Variants in IFNG-AS1 observed in about 807,000 individuals in gnomAD.
The protein encoded by IFNG-AS1 is IFNG antisense RNA 1 (non-protein coding).
At chr12:68,017,289 C>G (rs900546035) in intron 3 of IFNG-AS1, among the ~76,000 whole-genome samples, 1 of 152,120 alleles carries the variant, frequency 6.6e-6, no homozygotes, top group African/African-American at 2.4e-5. Flanking sequence ...CCTCGTAAAC[C>G]ATGGTGAAGG....
chr12:68,015,227 G>T (rs532906127), intron 3 of IFNG-AS1, among the ~76,000 whole-genome samples: 11 of 152,206 alleles, frequency 7.2e-5, no homozygotes, highest in African/African-American at 2.4e-4. Flanking sequence ...GCTTCAACTC[G>T]GGGCTGGATT....
chr12:67,989,775 A>G (rs962962409), intron 1 of IFNG-AS1, among the ~76,000 whole-genome samples: 3 of 152,174 alleles, frequency 2.0e-5, no homozygotes, highest in South Asian at 4.1e-4. Flanking sequence ...GGAGACCCGC[A>G]TGGCTGGAAT....
intron 1 of IFNG-AS1, among the ~76,000 whole-genome samples, chr12:67,995,419 CAAAAAAAAAAA>C (rs34141511): frequency 1.5e-4 from 12 of 78,632 alleles, no homozygotes; most frequent in African/African-American, 6.1e-4. Context: ...GACTCCATTT[CAAAAAAAAAAA>C]AAAAAAAAAG....
At chr12:67,998,923 C>A (rs1415803874) in intron 2 of IFNG-AS1, among the ~76,000 whole-genome samples, 1 of 151,986 alleles carries the variant, frequency 6.6e-6, no homozygotes, top group African/African-American at 2.4e-5. Flanking sequence ...AATTATAAAC[C>A]CAGTTAATGT....
chr12:68,005,197 C>T (rs1320899406), intron 2 of IFNG-AS1, among the ~76,000 whole-genome samples: 2 of 152,196 alleles, frequency 1.3e-5, no homozygotes, highest in African/African-American at 4.8e-5. Context: ...AATGCCTGCA[C>T]CTACTCTCCA....
At chr12:68,012,472 C>T (rs953112427) in intron 3 of IFNG-AS1, among the ~76,000 whole-genome samples, 5 of 152,146 alleles carry the variant, frequency 3.3e-5, no homozygotes, top group Non-Finnish European at 4.4e-5. Flanking sequence ...GGAATGCTGC[C>T]TTCACTTCTC....
chr12:68,003,523 C>T (rs1879827906), intron 2 of IFNG-AS1, among the ~76,000 whole-genome samples: 1 of 151,340 alleles, frequency 6.6e-6, no homozygotes, highest in South Asian at 2.1e-4. Flanking sequence ...TCCCATGTGT[C>T]CCTCAAGGGT....
At chr12:68,009,414 C>T (rs1280465560) in intron 3 of IFNG-AS1, among the ~76,000 whole-genome samples, 1 of 152,178 alleles carries the variant, frequency 6.6e-6, no homozygotes, top group Non-Finnish European at 1.5e-5. Context: ...ACAATCTTGG[C>T]TCACTGCAAC....
chr12:67,993,599 T>C (rs1235990528), intron 1 of IFNG-AS1, among the ~76,000 whole-genome samples: 1 of 152,214 alleles, frequency 6.6e-6, no homozygotes, highest in Non-Finnish European at 1.5e-5. Context: ...GAAGAGATCA[T>C]GAATTATTAA....
intron 2 of IFNG-AS1, among the ~76,000 whole-genome samples, chr12:67,999,201 T>C (rs1302083142): frequency 1.3e-5 from 2 of 152,184 alleles, no homozygotes; most frequent in Non-Finnish European, 2.9e-5. Flanking sequence ...AGATAATAGA[T>C]GATACAGAGA....
intron 3 of IFNG-AS1, among the ~76,000 whole-genome samples, chr12:68,009,499 G>A (rs957962161): frequency 5.3e-5 from 8 of 151,912 alleles, no homozygotes; most frequent in Admixed American, 3.9e-4. Flanking sequence ...CCGCCACCAC[G>A]CCCAGCTAAT....
chr12:68,013,678 T>A (rs1013838412), intron 3 of IFNG-AS1: 12 of 152,196 alleles, frequency 7.9e-5, no homozygotes, highest in African/African-American at 2.7e-4. Flanking sequence ...TGGTGGACTT[T>A]GAGTAAAGTA....
At chr12:68,020,098 G>A (rs1880251815) in intron 4 of IFNG-AS1, 1 of 152,176 alleles carries the variant, frequency 6.6e-6, no homozygotes, top group Non-Finnish European at 1.5e-5. Context: ...AAGGATGCCT[G>A]GAAAGCCGGA....
At chr12:68,020,787 A>G (rs1457681769) in intron 4 of IFNG-AS1, 1 of 152,194 alleles carries the variant, frequency 6.6e-6, no homozygotes, top group Non-Finnish European at 1.5e-5. Flanking sequence ...TTGAAGTGAC[A>G]ACAAAAACAG....
intron 3 of IFNG-AS1, among the ~76,000 whole-genome samples, chr12:68,008,399 G>A (rs139902503): frequency 0.024 from 3,048 of 128,230 alleles, 42 homozygotes; most frequent in Non-Finnish European, 0.034. Context: ...CTGGGCGACA[G>A]CACGAGACAC....
chr12:68,010,507 C>T (rs1397400551), intron 3 of IFNG-AS1, among the ~76,000 whole-genome samples: 1 of 152,200 alleles, frequency 6.6e-6, no homozygotes, highest in Non-Finnish European at 1.5e-5. Flanking sequence ...GCCACAATCA[C>T]ACACTTTCTG....
chr12:68,018,280 A>G (rs1880202577), intron 3 of IFNG-AS1, among the ~76,000 whole-genome samples: 1 of 152,126 alleles, frequency 6.6e-6, no homozygotes, highest in Non-Finnish European at 1.5e-5. Flanking sequence ...ACAAATTTAT[A>G]TCCACAGAAC....
intron 3 of IFNG-AS1, among the ~76,000 whole-genome samples, chr12:68,012,445 C>T (rs897626738): frequency 6.6e-6 from 1 of 152,202 alleles, no homozygotes; most frequent in Admixed American, 6.5e-5. Context: ...GGCAGGAATA[C>T]ACTATGCTCA....
At chr12:68,003,104 T>C (rs1039002302) in intron 2 of IFNG-AS1, among the ~76,000 whole-genome samples, 7 of 152,234 alleles carry the variant, frequency 4.6e-5, no homozygotes, top group African/African-American at 1.7e-4. Context: ...ATTACATAAA[T>C]GTTCTGTTAT....
Sources: gnomAD v4.1 joint callset for allele counts (sites outside exome capture counted in the v4.1 genomes callset) on GRCh38, gnomAD v4.1.1 for gene constraint, MANE v1.5 for transcripts, NCBI Gene and HGNC (gene_info 2026-07-23, HGNC 2026-07-21) for gene names.